RCAN2: variants seen among roughly 807,000 people sequenced by gnomAD.
RCAN2 encodes the protein calcipressin-2.
Under a neutral mutation model 23.6 loss-of-function variants are expected in RCAN2, and 9 were observed. That is an observed-to-expected ratio of 0.38 (90% CI 0.23 to 0.67). The LOEUF is 0.67. Among genes scored for constraint, RCAN2 ranks in the 30% least tolerant of loss-of-function variants. The pLI, the probability that RCAN2 is intolerant of heterozygous loss-of-function variation, is 0.51. For synonymous variants in RCAN2, 109 were observed against 115.7 expected (o/e 0.94, Z 0.37); for missense variants, 273 against 302.3 (o/e 0.90, Z 0.72).
intron 2 of RCAN2, among the ~76,000 whole-genome samples, chr6:46,428,783 G>A (rs907573939): frequency 9.9e-5 from 15 of 152,268 alleles, no homozygotes; most frequent in African/African-American, 1.2e-4. Context: ...AGGCAATTTA[G>A]CTGAAAGCTC....
chr6:46,340,688 T>C (rs1463279384), intron 2 of RCAN2, among the ~76,000 whole-genome samples: 1 of 152,244 alleles, frequency 6.6e-6, no homozygotes, highest in African/African-American at 2.4e-5. Context: ...GTCTCTCTTC[T>C]GGTAAGCCCT....
chr6:46,233,914 A>G (rs893567591), intron 4 of RCAN2, among the ~76,000 whole-genome samples: 10 of 152,012 alleles, frequency 6.6e-5, no homozygotes, highest in Non-Finnish European at 1.5e-4. Context: ...TTTTTAGTAG[A>G]GACGGGGTTT....
In RCAN2 at chr6:46,237,748, T is replaced by A. The variant is rs1263570965; in HGVS notation, c.571+9000A>T. Among the ~76,000 whole-genome samples, 8 of 152,310 alleles carry A rather than the reference T, an allele frequency of 5.3e-5. No homozygotes were observed. The East Asian group carries it at 1.5e-3, about 29-fold the overall frequency. On this transcript the variant is annotated intron_variant, in intron 4 of 4. Coordinates refer to ENST00000371374, the MANE Select transcript of RCAN2 (RefSeq NM_001251974.2). Reference sequence around the variant, plus strand: ...TAAGCAGTGTGACTTCTGAATTAGGTAACAAATATGCTATGCGCTTCTACT... The same window carrying A: ...TAAGCAGTGTGACTTCTGAATTAGGAAACAAATATGCTATGCGCTTCTACT...
intron 2 of RCAN2, among the ~76,000 whole-genome samples, chr6:46,266,795 C>G (rs1300215740): frequency 6.6e-6 from 1 of 152,114 alleles, no homozygotes; most frequent in Non-Finnish European, 1.5e-5. Flanking sequence ...GCGACTGATT[C>G]CAACCCCTCG....
chr6:46,457,037 T>A, intron 1 of RCAN2, 59 bp from the exon 2 acceptor site: 2 of 1,248,116 alleles, frequency 1.6e-6, no homozygotes, highest in Non-Finnish European at 1.1e-6. Flanking sequence ...AACTCAGTTT[T>A]CGGGTCACAG....
intron 2 of RCAN2, among the ~76,000 whole-genome samples, chr6:46,295,932 T>C (rs141749446): frequency 1.0e-3 from 158 of 151,520 alleles, no homozygotes; most frequent in African/African-American, 3.7e-3. Flanking sequence ...AGCAAGGAAG[T>C]AGGCTATGGA....
chr6:46,295,213 T>G (rs1467036623), intron 2 of RCAN2, among the ~76,000 whole-genome samples: 1 of 152,084 alleles, frequency 6.6e-6, no homozygotes, highest in Admixed American at 6.6e-5. Flanking sequence ...TTCTTGGGAA[T>G]ATGCAAGTGG....
chr6:46,338,764 G>C (rs969858384), intron 2 of RCAN2, among the ~76,000 whole-genome samples: 1 of 152,078 alleles, frequency 6.6e-6, no homozygotes, highest in African/African-American at 2.4e-5. Flanking sequence ...TATAATCCCA[G>C]CACTTTGGGA....
At chr6:46,251,374 G>C (rs1766709527) in intron 2 of RCAN2, among the ~76,000 whole-genome samples, 1 of 152,190 alleles carries the variant, frequency 6.6e-6, no homozygotes, top group East Asian at 1.9e-4. Context: ...CTGGTAGTTT[G>C]ATTAGTTTGG....
intron 2 of RCAN2, among the ~76,000 whole-genome samples, chr6:46,303,577 C>G (rs979495756): frequency 3.3e-5 from 5 of 152,018 alleles, no homozygotes; most frequent in African/African-American, 1.2e-4. Context: ...ATCATTGTAA[C>G]CCCTGCCCAG....
chr6:46,474,146 G>T (rs548368846), intron 1 of RCAN2, among the ~76,000 whole-genome samples: 90 of 152,156 alleles, frequency 5.9e-4, no homozygotes, highest in Admixed American at 3.3e-3. Context: ...ATCAGGAAAT[G>T]CTTCAGGAAC....
intron 1 of RCAN2, among the ~76,000 whole-genome samples, chr6:46,483,898 T>C (rs1298874764): frequency 6.6e-6 from 1 of 152,240 alleles, no homozygotes; most frequent in African/African-American, 2.4e-5. Flanking sequence ...GAAATTTTGC[T>C]GTTGAGCAAA....
intron 2 of RCAN2, chr6:46,325,629 A>T (rs1582106590): frequency 7.0e-7 from 1 of 1,435,686 alleles, no homozygotes; most frequent in Non-Finnish European, 9.1e-7. Context: ...GCCCGCTCCC[A>T]CTGCACGCAG....
intron 2 of RCAN2, among the ~76,000 whole-genome samples, chr6:46,289,226 C>T (rs1411465842): frequency 6.6e-6 from 1 of 151,816 alleles, no homozygotes; most frequent in African/African-American, 2.4e-5. Flanking sequence ...AGATAATAAC[C>T]AACTTCACTA....
intron 2 of RCAN2, among the ~76,000 whole-genome samples, chr6:46,299,597 C>T (rs1163589695): frequency 6.6e-6 from 1 of 151,962 alleles, no homozygotes; most frequent in African/African-American, 2.4e-5. Context: ...TCTGGCCCCC[C>T]TTTTATAGAT....
At chr6:46,333,102 G>A (rs140812490) in intron 2 of RCAN2, among the ~76,000 whole-genome samples, 3,035 of 152,176 alleles carry the variant, frequency 0.02, 64 homozygotes, top group South Asian at 0.12. Flanking sequence ...CTGCCTAAAT[G>A]TCTTCTTTTG....
At chr6:46,339,507 G>A (rs1764238606) in intron 2 of RCAN2, among the ~76,000 whole-genome samples, 1 of 151,964 alleles carries the variant, frequency 6.6e-6, no homozygotes, top group African/African-American at 2.4e-5. Context: ...CAATATTGTT[G>A]GGCTGCCCAA....
chr6:46,477,461 C>A (rs1160504619), intron 1 of RCAN2, among the ~76,000 whole-genome samples: 1 of 152,186 alleles, frequency 6.6e-6, no homozygotes, highest in African/African-American at 2.4e-5. Flanking sequence ...TGCCACTTAT[C>A]AGCTGTGGGG....
intron 1 of RCAN2, among the ~76,000 whole-genome samples, chr6:46,457,503 A>G (rs1304761685): frequency 6.6e-6 from 1 of 152,208 alleles, no homozygotes; most frequent in East Asian, 1.9e-4. Context: ...AACTGGCACC[A>G]GAGCTCACTC....
Sources: gnomAD v4.1 joint callset for allele counts (sites outside exome capture counted in the v4.1 genomes callset) on GRCh38, gnomAD v4.1.1 for gene constraint, MANE v1.5 for transcripts, NCBI Gene and HGNC (gene_info 2026-07-23, HGNC 2026-07-21) for gene names.